Variants in OTUD7A observed in about 807,000 individuals in gnomAD.
OTUD7A encodes the protein OTU deubiquitinase 7A, also known as OTU domain-containing protein 7A.
Under a neutral mutation model 65.7 loss-of-function variants are expected in OTUD7A, and 12 were observed. The ratio of observed to expected loss-of-function variants is 0.18; its 90% CI spans 0.12 to 0.30. The LOEUF is 0.30. Ranked by LOEUF, OTUD7A falls within the 10% of genes least tolerant of loss-of-function variation. The pLI, the probability that OTUD7A is intolerant of heterozygous loss-of-function variation, is 1.00. For synonymous variants in OTUD7A, 641 were observed against 586.3 expected, an observed-to-expected ratio of 1.09 and a Z score of -1.35; for missense variants, 1,148 against 1,304.8, an observed-to-expected ratio of 0.88 and a Z score of 1.85.
At position 31,656,038 on chromosome 15, in the gene OTUD7A, C is replaced by T. The variant is rs35090205; in HGVS notation, c.-4-788G>A. 9.9e-3 allele frequency among the ~76,000 whole-genome samples: 1,506 copies of T among 152,166 alleles called. 31 individuals are homozygous for T. The highest frequency in any genetic ancestry group is 0.034 in the African/African-American group (1,414 of 41,528). On this transcript the variant is annotated intron_variant, in intron 2 of 12. Coordinates refer to ENST00000307050, the MANE Select transcript of OTUD7A (RefSeq NM_001382637.1). ...TAATCCACAGTTGACGGAAATACCA[C>T]ACTTGCTGAAGATGGCTACTGAACT...
chr15:31,612,675 C>A (rs530434975), intron 3 of OTUD7A, among the ~76,000 whole-genome samples: 1 of 152,258 alleles, frequency 6.6e-6, no homozygotes, highest in East Asian at 1.9e-4. Context: ...ACGTCCCATG[C>A]TCATGGATAG....
At chr15:31,799,647 C>A (rs1896067199) in intron 1 of OTUD7A, among the ~76,000 whole-genome samples, 1 of 152,202 alleles carries the variant, frequency 6.6e-6, no homozygotes, top group Admixed American at 6.5e-5. Context: ...TCTACCAGCA[C>A]CTTGACCTTG....
chr15:31,570,540 G>C (rs1889020670), intron 3 of OTUD7A, among the ~76,000 whole-genome samples: 1 of 151,878 alleles, frequency 6.6e-6, no homozygotes, highest in Non-Finnish European at 1.5e-5. Context: ...TCAAGTTGTA[G>C]AGCTTACTCT....
chr15:31,550,640 G>A (rs912431559), intron 5 of OTUD7A, among the ~76,000 whole-genome samples: 1 of 152,156 alleles, frequency 6.6e-6, no homozygotes, highest in African/African-American at 2.4e-5. Context: ...TATGAGCAGA[G>A]TCTCAGACCC....
At chr15:31,768,249 A>T in intron 1 of OTUD7A, 1 of 826,708 alleles carries the variant, frequency 1.2e-6, no homozygotes. Flanking sequence ...GGTGACACTC[A>T]AGACCCAGCA....
chr15:31,774,783 T>C (rs139745941), intron 1 of OTUD7A, among the ~76,000 whole-genome samples: 17 of 152,238 alleles, frequency 1.1e-4, no homozygotes, highest in African/African-American at 3.6e-4. Flanking sequence ...GAAAGGAAGA[T>C]GTATTTTCAC....
intron 1 of OTUD7A, among the ~76,000 whole-genome samples, chr15:31,801,227 C>T (rs1007332315): frequency 2.0e-5 from 3 of 152,196 alleles, no homozygotes; most frequent in African/African-American, 4.8e-5. Flanking sequence ...ATTGCTGAGT[C>T]GGCCTCGAAC....
chr15:31,570,255 A>G (rs1415302591), intron 3 of OTUD7A, 58 bp from the exon 4 acceptor site: 2 of 1,550,994 alleles, frequency 1.3e-6, no homozygotes, highest in Non-Finnish European at 1.8e-6. Flanking sequence ...CGGTCTCATC[A>G]TAGAGAAGAA....
At chr15:31,746,954 ATGCG>A in intron 1 of OTUD7A, among the ~76,000 whole-genome samples, 1 of 152,190 alleles carries the variant, frequency 6.6e-6, no homozygotes. Flanking sequence ...ATATTGGTAG[ATGCG>A]TTTGTCAGAA....
chr15:31,693,820 C>T (rs1419012815), intron 1 of OTUD7A, among the ~76,000 whole-genome samples: 1 of 152,084 alleles, frequency 6.6e-6, no homozygotes, highest in Non-Finnish European at 1.5e-5. Flanking sequence ...GGGATCAGTA[C>T]TAGTCATGTC....
At chr15:31,489,580 T>A (rs2041287779) in intron 10 of OTUD7A, among the ~76,000 whole-genome samples, 1 of 152,182 alleles carries the variant, frequency 6.6e-6, no homozygotes, top group Admixed American at 6.5e-5. Context: ...CTGGGTGATG[T>A]GCTCAGGCAT....
At chr15:31,631,694 G>C (rs1158965677) in intron 3 of OTUD7A, among the ~76,000 whole-genome samples, 1 of 152,120 alleles carries the variant, frequency 6.6e-6, no homozygotes, top group Admixed American at 6.5e-5. Flanking sequence ...TTTCCAACTT[G>C]GTTCCATTCT....
intron 1 of OTUD7A, among the ~76,000 whole-genome samples, chr15:31,738,244 C>T (rs1260193076): frequency 6.6e-6 from 1 of 151,756 alleles, no homozygotes; most frequent in Non-Finnish European, 1.5e-5. Context: ...TGGCAGGGGG[C>T]CTGGAGCTAA....
At chr15:31,792,166 C>A (rs1054629331) in intron 1 of OTUD7A, among the ~76,000 whole-genome samples, 1 of 152,196 alleles carries the variant, frequency 6.6e-6, no homozygotes, top group African/African-American at 2.4e-5. Flanking sequence ...GAACACATCT[C>A]AAATCCCTCC....
At chr15:31,817,618 T>C (rs1718182655) in intron 1 of OTUD7A, among the ~76,000 whole-genome samples, 1 of 152,194 alleles carries the variant, frequency 6.6e-6, no homozygotes, top group Non-Finnish European at 1.5e-5. Flanking sequence ...AAAGCATGGA[T>C]TGACTCTACA....
At chr15:31,525,527 A>C (rs909487084) in intron 8 of OTUD7A, among the ~76,000 whole-genome samples, 2 of 152,170 alleles carry the variant, frequency 1.3e-5, no homozygotes, top group African/African-American at 4.8e-5. Context: ...GTGGGTGAGG[A>C]CCCAGTTGCC....
At chr15:31,735,035 A>T (rs1447824232) in intron 1 of OTUD7A, among the ~76,000 whole-genome samples, 1 of 115,246 alleles carries the variant, frequency 8.7e-6, no homozygotes, top group African/African-American at 3.3e-5. Flanking sequence ...TCTATAAGGA[A>T]CTCAAACAAA....
chr15:31,808,001 A>G (rs1402246990), intron 1 of OTUD7A, among the ~76,000 whole-genome samples: 1 of 151,984 alleles, frequency 6.6e-6, no homozygotes, highest in African/African-American at 2.4e-5. Context: ...AGTTAGCGAC[A>G]CTCAGAGCAC....
chr15:31,600,711 G>A (rs769415010), intron 3 of OTUD7A, among the ~76,000 whole-genome samples: 3 of 152,096 alleles, frequency 2.0e-5, no homozygotes, highest in Non-Finnish European at 2.9e-5. Flanking sequence ...GTATTCAGAA[G>A]ACCCATCTCA....
Sources: gnomAD v4.1 joint callset for allele counts (sites outside exome capture counted in the v4.1 genomes callset) on GRCh38, gnomAD v4.1.1 for gene constraint, MANE v1.5 for transcripts, NCBI Gene and HGNC (gene_info 2026-07-23, HGNC 2026-07-21) for gene names.